The following GSPT1 variants were observed in gnomAD, a reference collection of about 807,000 sequenced individuals.
GSPT1 encodes G1 to S phase transition 1, also known as eukaryotic peptide chain release factor GTP-binding subunit ERF3A.
GSPT1 carries 20 observed loss-of-function variants against 72.5 expected under a neutral mutation model. The observed-to-expected ratio is 0.28, with a 90% CI of 0.19 to 0.40. GSPT1 has a LOEUF of 0.40. GSPT1 is among the 10% of genes least tolerant of loss of function. The pLI, the probability that GSPT1 is intolerant of heterozygous loss-of-function variation, is 1.00. For missense variants in GSPT1, 580 were observed against 811.9 expected (o/e 0.71, Z 3.47); for synonymous variants, 334 against 293.5 (o/e 1.14, Z -1.41).
At chr16:11,889,321 C>G (rs1353854521) in intron 6 of GSPT1, among the ~76,000 whole-genome samples, 2 of 141,512 alleles carry the variant, frequency 1.4e-5, no homozygotes, top group Admixed American at 7.3e-5. Flanking sequence ...ACCCCCACCC[C>G]TCTTCTTCTT....
chr16:11,894,142 T>G (rs575988843), intron 5 of GSPT1, among the ~76,000 whole-genome samples: 1 of 83,562 alleles, frequency 1.2e-5, no homozygotes, highest in African/African-American at 4.6e-5. Flanking sequence ...GGTGACAGAA[T>G]GAGACCCTAT....
In GSPT1 at chr16:11,887,708, G is replaced by T. The variant is rs1416706641; in HGVS notation, c.819C>A (p.Asp273Glu). The change falls in exon 7 of 15, where the codon GAC (aspartate) becomes GAA (glutamate). Residue 273 changes from aspartate (D) to glutamate (E), a missense_variant. Transcript: ENST00000434724. ...WALDTNQEER[D>E]KGKTVEVGRA... ...GACCCACTTCTACTGTTTTACCCTTGTCTCGTTCTTCCTGATTTGTGTCTA... is the reference window on the plus strand; with the variant it reads ...GACCCACTTCTACTGTTTTACCCTTTTCTCGTTCTTCCTGATTTGTGTCTA... 1.3e-5 allele frequency: 21 copies of T among 1,612,790 alleles called. No homozygotes were observed. Among genetic ancestry groups the T allele is most frequent in the Non-Finnish European group, 1.8e-5 (21 of 1,179,344 alleles).
intron 7 of GSPT1, 67 bp downstream of exon 7, chr16:11,887,503 T>C: frequency 7.7e-7 from 1 of 1,298,746 alleles, no homozygotes; most frequent in Non-Finnish European, 1.1e-6. Flanking sequence ...AGAAGATAAA[T>C]TCAAATTTAA....
At position 11,877,645 on chromosome 16, in the gene GSPT1, T is replaced by G. The variant is rs1207095953; in HGVS notation, c.1429-65A>C. On this transcript the variant is annotated intron_variant, in intron 11 of 14. Transcript: ENST00000434724. The surrounding 1 kb of genome is among the most constrained non-coding windows in gnomAD (Gnocchi z 4.0). The stretch of plus-strand genomic sequence containing the variant: ...CACTGCATTACGCAACATAAAATGA[T>G]CTGAATGTCTGTCTGCTCAATAAAG... 3.3e-6 allele frequency: 3 copies of G among 918,472 alleles called. No homozygotes were observed. In the African/African-American group the frequency reaches 5.1e-5, roughly 16 times the overall value. The allele number at this position is 918,472 out of a possible 1,614,324, so 56.9% of individuals were successfully genotyped here.
At chr16:11,914,870 C>G in intron 1 of GSPT1, 1 of 539,768 alleles carries the variant, frequency 1.9e-6, no homozygotes, top group South Asian at 1.6e-5. Context: ...CAGTTTAAAC[C>G]GTAATTACAG....
At chr16:11,880,866 C>A (rs1057112210) in intron 11 of GSPT1, among the ~76,000 whole-genome samples, 1 of 152,140 alleles carries the variant, frequency 6.6e-6, no homozygotes, top group East Asian at 1.9e-4. Flanking sequence ...AGGTTGCCAA[C>A]CCCATGAATT....
intron 14 of GSPT1, among the ~76,000 whole-genome samples, chr16:11,873,877 C>T (rs965090296): frequency 1.3e-5 from 2 of 152,144 alleles, no homozygotes; most frequent in Non-Finnish European, 2.9e-5. Flanking sequence ...GGGTGAGCCA[C>T]CACACTGGGC....
At chr16:11,888,756 G>A (rs955319244) in intron 6 of GSPT1, among the ~76,000 whole-genome samples, 4 of 152,066 alleles carry the variant, frequency 2.6e-5, no homozygotes, top group Non-Finnish European at 5.9e-5. Context: ...GTGAGACTCC[G>A]TCTCAAAAAA....
At chr16:11,889,585 G>A (rs1042009066) in intron 6 of GSPT1, among the ~76,000 whole-genome samples, 2 of 151,760 alleles carry the variant, frequency 1.3e-5, no homozygotes, top group Non-Finnish European at 2.9e-5. Flanking sequence ...TCGGCTCACC[G>A]CAACCTCCGC....
At position 11,915,906 on chromosome 16, in the gene GSPT1, G is replaced by GACA; in HGVS notation, c.-189_-187dup. ...GTCCCGACTCCACACTCGCGACGAC[G>GACA]ACAGAGGCGGCGGCGGCGGCAGCTC... On this transcript the variant is annotated 5_prime_UTR_variant, in exon 1 of 15. Transcript: ENST00000434724. 1 of 862,234 alleles carries GACA rather than the reference G, an allele frequency of 1.2e-6. No homozygotes were observed. The highest frequency in any genetic ancestry group is 1.3e-5 in the South Asian group (1 of 75,778). The allele number at this position is 862,234 out of a possible 1,614,324, so 53.4% of individuals were successfully genotyped here.
At chr16:11,879,719 A>G (rs2054096679) in intron 11 of GSPT1, among the ~76,000 whole-genome samples, 1 of 149,494 alleles carries the variant, frequency 6.7e-6, no homozygotes, top group South Asian at 2.1e-4. Context: ...AGCCTGGGCT[A>G]CAGAGCGAGA....
intron 3 of GSPT1, among the ~76,000 whole-genome samples, chr16:11,897,218 C>A (rs939397847): frequency 6.6e-6 from 1 of 152,146 alleles, no homozygotes; most frequent in Admixed American, 6.5e-5. Flanking sequence ...ACTTTGGCAT[C>A]AACTTTAATC....
chr16:11,899,190 A>T (rs922942312), intron 1 of GSPT1, among the ~76,000 whole-genome samples: 1 of 152,228 alleles, frequency 6.6e-6, no homozygotes, highest in Admixed American at 6.6e-5. Context: ...TGAATTTGTA[A>T]CCTGTAAAAT....
At chr16:11,895,348 G>A (rs766230172) in intron 4 of GSPT1, 14 of 173,090 alleles carry the variant, frequency 8.1e-5, no homozygotes, top group Non-Finnish European at 1.4e-4. Context: ...GGAGAATCGC[G>A]TGAACTCGGG....
intron 1 of GSPT1, among the ~76,000 whole-genome samples, chr16:11,911,296 G>A (rs2054553478): frequency 1.3e-5 from 2 of 152,180 alleles, no homozygotes; most frequent in Non-Finnish European, 2.9e-5. Context: ...AGATGTTCCA[G>A]CTTAAAACTG....
chr16:11,877,306 G>A lies in GSPT1; in HGVS notation c.1602+101C>T. ...CATTCCCCTTCTCTACACTAAGATGGGTTAACTGGCATGTCACAAATAATC... is the reference window on the plus strand; with the variant it reads ...CATTCCCCTTCTCTACACTAAGATGAGTTAACTGGCATGTCACAAATAATC... On this transcript the variant is annotated intron_variant, in intron 12 of 14. Coordinates refer to ENST00000434724, the MANE Select transcript of GSPT1 (RefSeq NM_002094.4). The surrounding 1 kb of genome is among the most constrained non-coding windows in gnomAD (Gnocchi z 4.0). 1.3e-6 allele frequency: 1 copy of A among 762,212 alleles called. No individual in the cohort carries two copies. The allele number at this position is 762,212 out of a possible 1,614,324, so 47.2% of individuals were successfully genotyped here. A position where few individuals can be genotyped will look rare whatever the true frequency, so the allele number is the denominator to read the frequency against.
chr16:11,897,751 CAAT>C (rs1413485690), intron 3 of GSPT1, 86 bp downstream of exon 3: 1 of 725,210 alleles, frequency 1.4e-6, no homozygotes, highest in African/African-American at 1.8e-5. Context: ...GTAGGCATTA[CAAT>C]AATCGTAACT....
At position 11,909,928 on chromosome 16, in the gene GSPT1, A is replaced by T. The variant is rs144189760; in HGVS notation, c.352+5441T>A. Among the ~76,000 whole-genome samples, 880 of 144,844 alleles carry T rather than the reference A, an allele frequency of 6.1e-3. 4 individuals are homozygous for T. The highest frequency in any genetic ancestry group is 9.2e-3 in the Non-Finnish European group (628 of 67,942). ...GACAGAGCGAAACTCCATCTCAAAAAACAAAAACAAACAAAAAAACTTAGC... is the reference window on the plus strand; with the variant it reads ...GACAGAGCGAAACTCCATCTCAAAATACAAAAACAAACAAAAAAACTTAGC... On this transcript the variant is annotated intron_variant, in intron 1 of 14. Coordinates refer to ENST00000434724, the MANE Select transcript of GSPT1 (RefSeq NM_002094.4).
In GSPT1 at chr16:11,870,939, CTT is replaced by C. The variant is rs2053971415; in HGVS notation, c.*2178_*2179del. 1 of 152,244 alleles carries C rather than the reference CTT, an allele frequency of 6.6e-6. No homozygotes were observed. Among genetic ancestry groups the C allele is most frequent in the South Asian group, 2.1e-4 (1 of 4,832 alleles). 9.4% of individuals were successfully genotyped at this position (152,244 alleles called of 1,614,324 possible). On this transcript the variant is annotated 3_prime_UTR_variant, in exon 15 of 15. Coordinates refer to ENST00000434724, the MANE Select transcript of GSPT1 (RefSeq NM_002094.4). ...GTAAATGTTTTAGTAGCAAACATAACTTATTTTTTAAAAATGTGTTCTATTTA... is the reference window on the plus strand; with the variant it reads ...GTAAATGTTTTAGTAGCAAACATAACATTTTTTAAAAATGTGTTCTATTTA...
Sources: allele counts gnomAD v4.1 joint callset (sites outside exome capture counted in the v4.1 genomes callset), GRCh38; gene constraint gnomAD v4.1.1; non-coding constraint Gnocchi (gnomAD v3.1); transcripts MANE v1.5; gene names NCBI Gene and HGNC (gene_info 2026-07-23, HGNC 2026-07-21).